Variants in PPP1R36 observed in about 807,000 individuals in gnomAD.
The protein encoded by PPP1R36 is chromosome 14 open reading frame 50.
A neutral mutation model predicts 53.4 loss-of-function variants in PPP1R36; 47 were observed. That is an observed-to-expected ratio of 0.88 (90% CI 0.70 to 1.12). The LOEUF (loss-of-function observed/expected upper bound fraction) is 1.12. Among genes scored for constraint, PPP1R36 ranks in the 50% most tolerant of loss-of-function variants. The probability of loss-of-function intolerance (pLI) is 0.00; values close to 1 mark genes in which losing one functional copy is unlikely to be tolerated. For missense variants in PPP1R36, 456 were observed against 513.9 expected, an observed-to-expected ratio of 0.89 and a Z score of 1.09; for synonymous variants, 153 against 170.5, an observed-to-expected ratio of 0.90 and a Z score of 0.80.
Position 64,582,269 on chromosome 14 carries a change from T to C in PPP1R36, c.669-4568T>C, listed in dbSNP as rs1165058715. ...TTCACCTAGAGCAGCAGGGGGCAAG[T>C]GGGGGAGCACAACTTTTTTTCTCCC... On this transcript the variant is annotated intron_variant, in intron 8 of 11. Coordinates refer to ENST00000298705, the MANE Select transcript of PPP1R36 (RefSeq NM_172365.3). Among the ~76,000 whole-genome samples the C allele has an allele frequency of 3.3e-5, 5 of 152,284 alleles. No homozygotes were observed. The East Asian group carries it at 9.6e-4, about 29-fold the overall frequency.
intron 8 of PPP1R36, among the ~76,000 whole-genome samples, chr14:64,576,369 C>T (rs1033356144): frequency 5.3e-5 from 8 of 152,146 alleles, no homozygotes; most frequent in Non-Finnish European, 7.3e-5. Flanking sequence ...GCATGAGCCA[C>T]GGCACTCCGC....
intron 3 of PPP1R36, among the ~76,000 whole-genome samples, chr14:64,553,399 TAG>T (rs1270623601): frequency 6.6e-6 from 1 of 152,226 alleles, no homozygotes; most frequent in Non-Finnish European, 1.5e-5. Context: ...ATTCATAAAC[TAG>T]AGTTTCTTTT....
intron 3 of PPP1R36, chr14:64,561,707 C>G (rs1478281617): frequency 4.4e-6 from 2 of 450,680 alleles, no homozygotes; most frequent in Non-Finnish European, 8.9e-6. Flanking sequence ...CCTTTACTCA[C>G]AGGCATCATC....
chr14:64,568,817 T>C (rs1457249002), intron 7 of PPP1R36, among the ~76,000 whole-genome samples: 2 of 152,212 alleles, frequency 1.3e-5, no homozygotes, highest in Non-Finnish European at 2.9e-5. Flanking sequence ...GTAGTTGATA[T>C]ATCAAGTTAT....
chr14:64,553,562 C>T (rs1008821267), intron 3 of PPP1R36, among the ~76,000 whole-genome samples: 1 of 152,032 alleles, frequency 6.6e-6, no homozygotes, highest in Non-Finnish European at 1.5e-5. Flanking sequence ...AATGTAAATA[C>T]TGCATGATTA....
intron 3 of PPP1R36, among the ~76,000 whole-genome samples, chr14:64,556,762 A>ATGTG (rs369620598): frequency 0.044 from 5,831 of 133,996 alleles, 184 homozygotes; most frequent in Middle Eastern, 0.054. Flanking sequence ...TCTCCAAAAA[A>ATGTG]TGTGTGTGTG....
In PPP1R36 at chr14:64,588,162, A is replaced by G; in HGVS notation, c.949A>G (p.Met317Val). ...KKAINMRSPV[M>V]STLLPSLREK... ...AGCTATCAACATGCGTTCTCCAGTC[A>G]TGTCTACTCTGCTGCCATCTCTCAG... The change falls in exon 11 of 12, where the codon ATG becomes GTG. Residue 317 changes from methionine (M) to valine (V), a missense_variant. Transcript: ENST00000298705. The G allele has an allele frequency of 1.9e-6, 3 of 1,613,714 alleles. No individual in the cohort carries two copies. The highest frequency in any genetic ancestry group is 2.5e-6 in the Non-Finnish European group (3 of 1,179,732).
intron 3 of PPP1R36, 54 bp from the exon 4 acceptor site, chr14:64,564,697 A>T: frequency 8.4e-7 from 1 of 1,196,516 alleles, no homozygotes; most frequent in Non-Finnish European, 1.2e-6. Context: ...ATATGATTTG[A>T]CTTGTTTTCC....
chr14:64,555,691 T>C (rs940935031), intron 3 of PPP1R36, among the ~76,000 whole-genome samples: 5 of 152,176 alleles, frequency 3.3e-5, no homozygotes, highest in African/African-American at 1.2e-4. Flanking sequence ...CACCAGCCGC[T>C]GTACTGCAGT....
chr14:64,587,337 A>C lies in PPP1R36; in HGVS notation c.855A>C (p.Gly285=), dbSNP rs746227526. Residue 285 remains glycine, a synonymous_variant, in exon 10 of 12, where the codon GGA becomes GGC. Transcript: ENST00000298705. ...PRRRREDEES[G]GEKKRMTFVQ... ...GGAGGCGTGAAGATGAGGAATCAGG[A>C]GGGGAAAAGAAACGCATGACTTTTG... 1 of 1,610,082 alleles carries C rather than the reference A, an allele frequency of 6.2e-7. No individual in the cohort carries two copies. The highest frequency in any genetic ancestry group is 1.7e-5 in the Admixed American group (1 of 59,730).
rs534792420 is a variant in PPP1R36, at chr14:64,588,376, C to G, written c.1082+81C>G. The G allele has an allele frequency of 5.6e-6, 7 of 1,256,152 alleles. No individual in the cohort carries two copies. In the East Asian group the frequency reaches 1.4e-4, roughly 26 times the overall value. 77.8% of individuals were successfully genotyped at this position (1,256,152 alleles called of 1,614,324 possible). On this transcript the variant is annotated intron_variant, in intron 11 of 11. Transcript: ENST00000298705. ...CTGGAAGGGGCAGGGGCCCAGGCAC[C>G]ATGCCTCTGCCAGGGAATCGAGCCA...
chr14:64,566,659 C>T (rs577230170), intron 6 of PPP1R36, among the ~76,000 whole-genome samples: 3 of 152,276 alleles, frequency 2.0e-5, no homozygotes, highest in East Asian at 1.9e-4. Context: ...GCCTCAGCAC[C>T]GCGAACGCTC....
intron 8 of PPP1R36, among the ~76,000 whole-genome samples, chr14:64,584,573 G>C (rs989361876): frequency 6.6e-6 from 1 of 152,154 alleles, no homozygotes; most frequent in Non-Finnish European, 1.5e-5. Flanking sequence ...TTTCCGCTGA[G>C]CTCTGTTGTT....
chr14:64,582,412 G>A (rs1253136137), intron 8 of PPP1R36, among the ~76,000 whole-genome samples: 2 of 152,176 alleles, frequency 1.3e-5, no homozygotes, highest in Admixed American at 6.6e-5. Flanking sequence ...GAATAAGAGA[G>A]CATCATAACA....
chr14:64,550,106 G>T (rs929606616), intron 1 of PPP1R36, 40 bp downstream of exon 1: 2 of 1,543,236 alleles, frequency 1.3e-6, no homozygotes, highest in Non-Finnish European at 8.8e-7. Context: ...CGGGCTGGGC[G>T]CAAGGCGGGC....
rs779571787 is a variant in PPP1R36 at position 64,552,824 on chromosome 14, G to A, written c.145G>A (p.Glu49Lys). The A allele has an allele frequency of 1.9e-6, 3 of 1,613,932 alleles. No homozygotes were observed. The highest frequency in any genetic ancestry group is 2.5e-6 in the Non-Finnish European group (3 of 1,179,816). ...AGTTTTCTTTCTCAGGTTTGCCGCA[G>A]AAGATTCTGTCCAGTGGCTCCTGAA... ...RTLEFRRFAA[E>K]DSVQWLLKHH... Residue 49 changes from glutamate to lysine, a missense_variant, in exon 3 of 12, where the codon GAA becomes AAA. Transcript: ENST00000298705.
chr14:64,560,456 AAGAAAG>A (rs1338473495), intron 3 of PPP1R36, among the ~76,000 whole-genome samples: 1 of 151,694 alleles, frequency 6.6e-6, no homozygotes, highest in Admixed American at 6.6e-5. Context: ...AAAAAAAAAA[AAGAAAG>A]ATGACTGGCT....
chr14:64,575,654 G>T (rs1291180873), intron 8 of PPP1R36, among the ~76,000 whole-genome samples: 11 of 143,180 alleles, frequency 7.7e-5, no homozygotes, highest in East Asian at 6.1e-4. Flanking sequence ...ACATTTTGGG[G>T]TTTTTTTTTT....
At chr14:64,564,970 CAT>C (rs1197590040) in intron 4 of PPP1R36, 133 bp downstream of exon 4, 12 of 651,392 alleles carry the variant, frequency 1.8e-5, no homozygotes, top group African/African-American at 5.6e-5. Context: ...AAAGAAAGAA[CAT>C]GTGCTGTTTC....
Sources: allele counts gnomAD v4.1 joint callset (sites outside exome capture counted in the v4.1 genomes callset), GRCh38; gene constraint gnomAD v4.1.1; transcripts MANE v1.5; gene names NCBI Gene and HGNC (gene_info 2026-07-23, HGNC 2026-07-21).